PRRT4: variants seen among roughly 807,000 people sequenced by gnomAD.
The protein encoded by PRRT4 is proline rich transmembrane protein 4, also known as proline-rich transmembrane protein 4.
PRRT4 carries 59 observed loss-of-function variants against 55.6 expected under a neutral mutation model. That is an observed-to-expected ratio of 1.06 (90% CI 0.86 to 1.32). The LOEUF (loss-of-function observed/expected upper bound fraction) is 1.32, where lower values mean the gene tolerates loss of function less well. PRRT4 is among the 40% of genes most tolerant of loss of function. The probability of loss-of-function intolerance (pLI) is 0.00; values close to 1 mark genes in which losing one functional copy is unlikely to be tolerated. For synonymous variants in PRRT4, 606 were observed against 601.8 expected (o/e 1.01, Z -0.10); for missense variants, 1,217 against 1,222.0 (o/e 1.00, Z 0.06).
At chr7:128,351,596 C>T in exon 5 of PRRT4, 1 of 1,505,190 alleles carries the variant, frequency 6.6e-7, no homozygotes, top group Non-Finnish European at 8.8e-7. Flanking sequence ...GGCCCAGTGA[C>T]CCAGCCTCCC....
exon 2 of PRRT4, chr7:128,359,878 G>A: frequency 6.8e-7 from 1 of 1,470,948 alleles, no homozygotes; most frequent in Non-Finnish European, 9.0e-7. Context: ...GAGGTACGGG[G>A]GTCAAAGTGG....
exon 3 of PRRT4, chr7:128,359,204 G>A (rs1419827581): frequency 1.3e-6 from 2 of 1,551,774 alleles, no homozygotes; most frequent in Non-Finnish European, 1.7e-6. Context: ...CACCTGGGGG[G>A]CTCAGGCCGG....
chr7:128,357,591 C>T (rs190013369), intron 4 of PRRT4, among the ~76,000 whole-genome samples: 2 of 152,362 alleles, frequency 1.3e-5, no homozygotes, highest in Admixed American at 1.3e-4. Flanking sequence ...GCCCCTCACC[C>T]ACCATCCAAG....
At chr7:128,359,149 C>T in exon 3 of PRRT4, 4 of 1,551,618 alleles carry the variant, frequency 2.6e-6, no homozygotes, top group Non-Finnish European at 3.5e-6. Context: ...ATAAACTCAC[C>T]CAGAGAACCC....
At chr7:128,357,520 C>T (rs1246937474) in intron 4 of PRRT4, among the ~76,000 whole-genome samples, 1 of 152,160 alleles carries the variant, frequency 6.6e-6, no homozygotes, top group Non-Finnish European at 1.5e-5. Context: ...ACAGAAACTG[C>T]CCCCTACCCC....
chr7:128,351,085 C>T, exon 5 of PRRT4: 1 of 1,548,826 alleles, frequency 6.5e-7, no homozygotes, highest in Non-Finnish European at 8.7e-7. Context: ...GCGCGGGGGC[C>T]TGTCGGGGCT....
exon 5 of PRRT4, chr7:128,352,545 G>T: frequency 3.9e-6 from 6 of 1,544,482 alleles, no homozygotes; most frequent in Non-Finnish European, 5.2e-6. Flanking sequence ...TCGGCGCCTC[G>T]GGAGGCTGCC....
intron 4 of PRRT4, among the ~76,000 whole-genome samples, chr7:128,353,493 A>T (rs1293703651): frequency 6.6e-6 from 1 of 152,136 alleles, no homozygotes; most frequent in Non-Finnish European, 1.5e-5. Flanking sequence ...GGGGAGAGGT[A>T]AGACAATGCT....
At chr7:128,351,347 A>G in exon 5 of PRRT4, 1 of 1,547,214 alleles carries the variant, frequency 6.5e-7, no homozygotes, top group Non-Finnish European at 8.7e-7. Flanking sequence ...GCCTCGCTGC[A>G]GAGGGCCTCC....
exon 5 of PRRT4, chr7:128,352,652 C>T (rs1371822215): frequency 6.5e-7 from 1 of 1,537,104 alleles, no homozygotes; most frequent in Non-Finnish European, 8.7e-7. Flanking sequence ...GAGAGGTCAT[C>T]TGGGCCAGAG....
In PRRT4 at chr7:128,358,352, G is replaced by T. The variant is rs1040997524; in HGVS notation, c.877+329C>A. On this transcript the variant is annotated intron_variant, in intron 4 of 4. Transcript: ENST00000535159. The surrounding 1 kb of genome is among the most constrained non-coding windows in gnomAD (Gnocchi z 4.4). The stretch of plus-strand genomic sequence containing the variant: ...GGTTGGTGGGGAGTCAGGTCAGGCA[G>T]ACTGGAGTGGAGGGTGGGGTTAGTG... Among the ~76,000 whole-genome samples, 4 of 152,216 alleles carry T rather than the reference G, an allele frequency of 2.6e-5. No individual in the cohort carries two copies. The highest frequency in any genetic ancestry group is 1.5e-5 in the Non-Finnish European group (1 of 68,036).
chr7:128,361,903 G>T (rs1021050844), upstream of PRRT4, among the ~76,000 whole-genome samples: 1 of 152,104 alleles, frequency 6.6e-6, no homozygotes, highest in African/African-American at 2.4e-5. Context: ...CGGGCGCCTC[G>T]CTGTGAGCCT....
intron 4 of PRRT4, among the ~76,000 whole-genome samples, chr7:128,353,833 A>ATCCTGTGC (rs755105339): frequency 3.3e-5 from 5 of 152,206 alleles, no homozygotes; most frequent in Non-Finnish European, 5.9e-5. Context: ...CCCTAGCCCC[A>ATCCTGTGC]TCCTGTGCTC....
At chr7:128,351,047 G>A (rs1338889094) in exon 5 of PRRT4, 1 of 1,549,238 alleles carries the variant, frequency 6.5e-7, no homozygotes, top group Admixed American at 2.0e-5. Context: ...GAGGGCCGCG[G>A]GGGACTGAGG....
At position 128,352,725 on chromosome 7, in the gene PRRT4, C is replaced by T. The variant is rs765760854; in HGVS notation, c.878-47G>A. The T allele has an allele frequency of 8.9e-6, 13 of 1,458,336 alleles. No individual in the cohort carries two copies. The African/African-American group carries it at 1.6e-4, about 17-fold the overall frequency. The allele number at this position is 1,458,336 out of a possible 1,614,324, so 90.3% of individuals were successfully genotyped here. ...CTTGAGGCAATGATGCAGCCCTCCC[C>T]TTACCCACCCCACAAGCAGTAGCCT... On this transcript the variant is annotated intron_variant, in intron 4 of 4. Transcript: ENST00000535159.
In PRRT4 at chr7:128,358,068, G is replaced by C. The variant is rs1392027581; in HGVS notation, c.877+613C>G. Among the ~76,000 whole-genome samples the C allele has an allele frequency of 6.6e-6, 1 of 152,220 alleles. No individual in the cohort carries two copies. Among genetic ancestry groups the C allele is most frequent in the African/African-American group, 2.4e-5 (1 of 41,448 alleles). ...TATGAGAAAATTTAGGTTCAGAGAG[G>C]TTAAATAACGTGCCTAAAGTCACTA... On this transcript the variant is annotated intron_variant, in intron 4 of 4. Transcript: ENST00000535159. The surrounding 1 kb of genome is among the most constrained non-coding windows in gnomAD (Gnocchi z 4.4).
exon 5 of PRRT4, chr7:128,351,159 G>A: frequency 6.5e-7 from 1 of 1,545,818 alleles, no homozygotes. Context: ...ATGAGACGCT[G>A]CTGCCTGCGG....
chr7:128,352,824 C>T (rs1257088996), intron 4 of PRRT4, 146 bp from the exon 6 acceptor site: 3 of 792,502 alleles, frequency 3.8e-6, no homozygotes, highest in Non-Finnish European at 5.8e-6. Context: ...CACCTCTTGG[C>T]CTCTCACCTT....
At chr7:128,359,615 G>C in exon 2 of PRRT4, 1 of 1,527,876 alleles carries the variant, frequency 6.5e-7, no homozygotes, top group Non-Finnish European at 8.8e-7. Flanking sequence ...CGGAAGCAGG[G>C]AGGAGGCCCG....
Sources: allele counts gnomAD v4.1 joint callset (sites outside exome capture counted in the v4.1 genomes callset), GRCh38; gene constraint gnomAD v4.1.1; non-coding constraint Gnocchi (gnomAD v3.1); transcripts MANE v1.5; gene names NCBI Gene and HGNC (gene_info 2026-07-23, HGNC 2026-07-21).